Variants in RRP15 observed in about 807,000 individuals in gnomAD.
RRP15 encodes ribosomal RNA processing 15 homolog.
Under a neutral mutation model 27.1 loss-of-function variants are expected in RRP15, and 18 were observed. The ratio of observed to expected loss-of-function variants is 0.66; its 90% CI spans 0.46 to 0.98. RRP15 has a LOEUF of 0.98. Ranked by LOEUF, RRP15 falls within the 50% of genes least tolerant of loss-of-function variation. The pLI, the probability that RRP15 is intolerant of heterozygous loss-of-function variation, is 0.00. For synonymous variants in RRP15, 107 were observed against 109.4 expected, an observed-to-expected ratio of 0.98 and a Z score of 0.14; for missense variants, 359 against 337.8, an observed-to-expected ratio of 1.06 and a Z score of -0.49.
intron 1 of RRP15, among the ~76,000 whole-genome samples, chr1:218,298,357 C>A (rs1183493479): frequency 6.6e-6 from 1 of 152,180 alleles, no homozygotes; most frequent in Admixed American, 6.5e-5. Context: ...CCTACAAATT[C>A]TATTACAATT....
intron 1 of RRP15, among the ~76,000 whole-genome samples, chr1:218,297,405 G>C (rs931178037): frequency 2.0e-5 from 3 of 152,166 alleles, no homozygotes; most frequent in African/African-American, 7.2e-5. Context: ...TGTGTGTGGT[G>C]TGTAATCAGC....
chr1:218,297,439 G>GT (rs1655738536), intron 1 of RRP15, among the ~76,000 whole-genome samples: 1 of 152,148 alleles, frequency 6.6e-6, no homozygotes, highest in Admixed American at 6.6e-5. Context: ...TTACTAAGGG[G>GT]TAGGCACTCA....
intron 4 of RRP15, among the ~76,000 whole-genome samples, chr1:218,315,595 AT>A (rs1490499127): frequency 6.7e-6 from 1 of 148,976 alleles, no homozygotes; most frequent in Non-Finnish European, 1.5e-5. Context: ...ACCTGGCTTT[AT>A]TTTTTTATTA....
At chr1:218,299,228 G>A (rs1383179133) in intron 1 of RRP15, among the ~76,000 whole-genome samples, 8 of 152,154 alleles carry the variant, frequency 5.3e-5, no homozygotes, top group Admixed American at 5.2e-4. Context: ...TTCATTGTCA[G>A]TGAATGCCTG....
At chr1:218,302,233 C>A in intron 1 of RRP15, 61 bp from the exon 2 acceptor site, 2 of 1,362,408 alleles carry the variant, frequency 1.5e-6, no homozygotes, top group Non-Finnish European at 2.0e-6. Context: ...GTTCGGGGGG[C>A]CTTGGCAGCC....
chr1:218,312,655 G>A (rs1656021807), intron 4 of RRP15, among the ~76,000 whole-genome samples: 1 of 152,058 alleles, frequency 6.6e-6, no homozygotes, highest in Admixed American at 6.6e-5. Context: ...GTTCTGGGTG[G>A]TACATATATT....
chr1:218,287,105 C>T (rs1655559991), intron 1 of RRP15, among the ~76,000 whole-genome samples: 1 of 150,334 alleles, frequency 6.7e-6, no homozygotes, highest in Non-Finnish European at 1.5e-5. Context: ...GCTAGGACTA[C>T]AGGCGCATAC....
intron 2 of RRP15, among the ~76,000 whole-genome samples, chr1:218,302,866 T>C (rs1429588960): frequency 6.6e-6 from 1 of 152,222 alleles, no homozygotes; most frequent in Non-Finnish European, 1.5e-5. Flanking sequence ...TTGTTTTAGC[T>C]GTCTGTTTGC....
rs1406083707 is a variant in RRP15, at chr1:218,334,534, T to A, written c.*3443T>A. 6.6e-6 allele frequency: 1 copy of A among 152,190 alleles called. No individual in the cohort carries two copies. The highest frequency in any genetic ancestry group is 1.5e-5 in the Non-Finnish European group (1 of 68,038). 9.4% of individuals were successfully genotyped at this position (152,190 alleles called of 1,614,324 possible). The stretch of plus-strand genomic sequence containing the variant: ...CTTCAAGGAAAGTTGACTGATGAAG[T>A]TTATGTAGAGCTGTGAATATTATAA... On this transcript the variant is annotated 3_prime_UTR_variant, in exon 5 of 5. Transcript: ENST00000366932.
chr1:218,305,835 C>T (rs1431057145), intron 3 of RRP15, among the ~76,000 whole-genome samples: 2 of 151,664 alleles, frequency 1.3e-5, no homozygotes, highest in African/African-American at 2.4e-5. Flanking sequence ...AGTGCGATAG[C>T]GTGGTGTGGT....
At chr1:218,324,803 TTA>T (rs1348473410) in intron 4 of RRP15, among the ~76,000 whole-genome samples, 3 of 152,220 alleles carry the variant, frequency 2.0e-5, no homozygotes, top group Non-Finnish European at 4.4e-5. Context: ...TATTCCATAT[TTA>T]TATGTTTCCT....
chr1:218,307,741 A>G (rs1465623120), intron 4 of RRP15, 109 bp downstream of exon 4: 1 of 778,106 alleles, frequency 1.3e-6, no homozygotes, highest in East Asian at 2.7e-5. Context: ...TTTTTCCTAA[A>G]TTTTATTAAA....
chr1:218,316,146 T>G (rs1656086694), intron 4 of RRP15, among the ~76,000 whole-genome samples: 1 of 152,224 alleles, frequency 6.6e-6, no homozygotes, highest in Non-Finnish European at 1.5e-5. Context: ...TTTGGCAATA[T>G]GGCACATGCA....
chr1:218,329,764 C>A (rs1440711860), intron 4 of RRP15, among the ~76,000 whole-genome samples: 1 of 151,820 alleles, frequency 6.6e-6, no homozygotes, highest in African/African-American at 2.4e-5. Context: ...ATATTTTGAC[C>A]TCAAGAAGAC....
intron 1 of RRP15, among the ~76,000 whole-genome samples, chr1:218,292,831 T>C (rs1655667431): frequency 6.6e-6 from 1 of 152,202 alleles, no homozygotes; most frequent in Admixed American, 6.5e-5. Flanking sequence ...TCTCTGTCTT[T>C]CTAGTCGTGC....
At chr1:218,309,105 T>C (rs1245111648) in intron 4 of RRP15, among the ~76,000 whole-genome samples, 1 of 152,190 alleles carries the variant, frequency 6.6e-6, no homozygotes, top group Non-Finnish European at 1.5e-5. Flanking sequence ...TTGACTTTCT[T>C]TTTTTCTACT....
chr1:218,311,172 C>T (rs1007389278), intron 4 of RRP15, among the ~76,000 whole-genome samples: 6 of 152,198 alleles, frequency 3.9e-5, no homozygotes, highest in African/African-American at 1.4e-4. Flanking sequence ...CCATTCTTCT[C>T]TATACCTTGG....
At chr1:218,286,879 C>A (rs889886434) in intron 1 of RRP15, among the ~76,000 whole-genome samples, 2 of 152,126 alleles carry the variant, frequency 1.3e-5, no homozygotes, top group African/African-American at 2.4e-5. Flanking sequence ...CTAGTTCAAA[C>A]ACTATTGTTC....
intron 1 of RRP15, among the ~76,000 whole-genome samples, chr1:218,298,756 C>A (rs905156538): frequency 1.3e-5 from 2 of 152,180 alleles, no homozygotes; most frequent in Non-Finnish European, 2.9e-5. Context: ...AAATTCAGTT[C>A]TTCAGTTGTG....
Sources: allele counts gnomAD v4.1 joint callset (sites outside exome capture counted in the v4.1 genomes callset), GRCh38; gene constraint gnomAD v4.1.1; transcripts MANE v1.5; gene names NCBI Gene and HGNC (gene_info 2026-07-23, HGNC 2026-07-21).